The following TMEM178B variants were observed in gnomAD, a reference collection of about 807,000 sequenced individuals.
TMEM178B encodes transmembrane protein 178B.
TMEM178B carries 5 observed loss-of-function variants against 31.0 expected under a neutral mutation model. That is an observed-to-expected ratio of 0.16 (90% CI 0.08 to 0.34). TMEM178B has a LOEUF of 0.34. TMEM178B is among the 10% of genes least tolerant of loss of function. TMEM178B has a pLI of 1.00. For missense variants in TMEM178B, 275 were observed against 400.3 expected (o/e 0.69, Z 2.67); for synonymous variants, 164 against 164.0 (o/e 1.00, Z 0.00).
rs1186334974 is a variant in TMEM178B at position 141,223,037 on chromosome 7, T to G, written c.496+10333T>G. Among the ~76,000 whole-genome samples the G allele has an allele frequency of 2.0e-5, 3 of 152,160 alleles. No individual in the cohort carries two copies. In the East Asian group the frequency reaches 5.8e-4, roughly 29 times the overall value. On this transcript the variant is annotated intron_variant, in intron 2 of 3. Transcript: ENST00000565468. ...CAGAGCTTTGAAGATAAATACAATG[T>G]GAGTACAACGTATTGAAATTGTTGA...
chr7:141,315,284 T>C (rs1329482378), intron 2 of TMEM178B, among the ~76,000 whole-genome samples: 2 of 152,192 alleles, frequency 1.3e-5, no homozygotes, highest in Non-Finnish European at 2.9e-5. Flanking sequence ...AGGTCCTCTG[T>C]GCAAACTCTT....
the TMEM178B span, among the ~76,000 whole-genome samples, chr7:141,497,359 T>C: frequency 6.6e-6 from 1 of 152,150 alleles, no homozygotes; most frequent in Non-Finnish European, 1.5e-5. Flanking sequence ...GTTGAAGCAA[T>C]CAGACAATGG....
chr7:141,483,610 T>C (rs1224154573), downstream of TMEM178B, among the ~76,000 whole-genome samples: 2 of 152,158 alleles, frequency 1.3e-5, no homozygotes, highest in Non-Finnish European at 2.9e-5. Context: ...CTTTAGAAAA[T>C]GGAAGAGTTA....
intron 2 of TMEM178B, among the ~76,000 whole-genome samples, chr7:141,387,897 C>T (rs1800462556): frequency 6.6e-6 from 1 of 152,144 alleles, no homozygotes; most frequent in African/African-American, 2.4e-5. Flanking sequence ...TCCTGTCGGC[C>T]ACTCCCCCTT....
chr7:141,293,892 G>A (rs217024), intron 2 of TMEM178B, among the ~76,000 whole-genome samples: 29 of 152,058 alleles, frequency 1.9e-4, no homozygotes, highest in East Asian at 9.6e-4. Flanking sequence ...CATCAAAAAC[G>A]TAGGAAACCC....
At chr7:141,288,973 C>A (rs113509864) in intron 2 of TMEM178B, among the ~76,000 whole-genome samples, 5 of 152,290 alleles carry the variant, frequency 3.3e-5, no homozygotes, top group African/African-American at 1.2e-4. Flanking sequence ...TCATTTCTTT[C>A]CCAATTAGGC....
At chr7:141,105,205 T>C (rs1795122494) in intron 1 of TMEM178B, among the ~76,000 whole-genome samples, 1 of 152,140 alleles carries the variant, frequency 6.6e-6, no homozygotes, top group African/African-American at 2.4e-5. Flanking sequence ...CACCCCAAGA[T>C]TTTATTTAAA....
chr7:141,119,378 A>G (rs1413916986), intron 1 of TMEM178B, among the ~76,000 whole-genome samples: 1 of 152,104 alleles, frequency 6.6e-6, no homozygotes, highest in Non-Finnish European at 1.5e-5. Flanking sequence ...TGCAAGTGGA[A>G]GATGTAGAGG....
the TMEM178B span, among the ~76,000 whole-genome samples, chr7:141,496,010 AT>A: frequency 1.3e-5 from 2 of 152,182 alleles, no homozygotes; most frequent in Non-Finnish European, 2.9e-5. Flanking sequence ...ATCTTTTGCA[AT>A]TCTGGTGGCA....
intron 2 of TMEM178B, among the ~76,000 whole-genome samples, chr7:141,226,874 A>G (rs964670968): frequency 2.4e-5 from 1 of 42,352 alleles, no homozygotes; most frequent in African/African-American, 9.6e-5. Context: ...AAAAAAAAAA[A>G]GAAAAAGAAA....
intron 2 of TMEM178B, among the ~76,000 whole-genome samples, chr7:141,417,115 A>G (rs1801113597): frequency 6.6e-6 from 1 of 152,214 alleles, no homozygotes; most frequent in Middle Eastern, 3.2e-3. Flanking sequence ...GTAAGTGCTG[A>G]GTAAATGTCA....
chr7:141,498,460 G>A, the TMEM178B span, among the ~76,000 whole-genome samples: 5 of 152,220 alleles, frequency 3.3e-5, no homozygotes, highest in Admixed American at 6.5e-5. Flanking sequence ...GTGACAACTA[G>A]CTTGGCCTCT....
At chr7:141,299,558 A>G (rs1586878838) in intron 2 of TMEM178B, among the ~76,000 whole-genome samples, 3 of 151,934 alleles carry the variant, frequency 2.0e-5, no homozygotes, top group Non-Finnish European at 4.4e-5. Flanking sequence ...CTTCCTACTT[A>G]GCTTCCTAGG....
chr7:141,106,660 G>A (rs1429690575), intron 1 of TMEM178B, among the ~76,000 whole-genome samples: 1 of 152,210 alleles, frequency 6.6e-6, no homozygotes, highest in Non-Finnish European at 1.5e-5. Flanking sequence ...TTGTGTAAAT[G>A]TGCTAATAAA....
chr7:141,290,545 AC>A (rs1341341664), intron 2 of TMEM178B, among the ~76,000 whole-genome samples: 1 of 150,016 alleles, frequency 6.7e-6, no homozygotes, highest in Non-Finnish European at 1.5e-5. Flanking sequence ...GTGCACACAC[AC>A]ATACACGTGC....
rs1406295609 is a variant in TMEM178B, at chr7:141,470,539, C to G, written c.638C>G (p.Thr213Ser). 6.6e-7 allele frequency: 1 copy of G among 1,515,520 alleles called. No homozygotes were observed. Among genetic ancestry groups the G allele is most frequent in the East Asian group, 2.6e-5 (1 of 39,112 alleles). 93.9% of individuals were successfully genotyped at this position (1,515,520 alleles called of 1,614,324 possible). A position where few individuals can be genotyped will look rare whatever the true frequency, so the allele number is the denominator to read the frequency against. ...TGTCTTTTCCCTTGTCCTCCAGGAACCTTCTGCATCATTTCACTGTGCACC... is the reference window on the plus strand; with the variant it reads ...TGTCTTTTCCCTTGTCCTCCAGGAAGCTTCTGCATCATTTCACTGTGCACC... Reference protein sequence around the residue: ...VAGLLFLMGGTFCIISLCTCV... With the variant: ...VAGLLFLMGGSFCIISLCTCV... The change falls in exon 4 of 4, where the codon ACC (threonine) becomes AGC (serine). Residue 213 changes from threonine to serine, a missense_variant. Thr to Ser is a moderately conservative substitution (Grantham distance 58, BLOSUM62 1). Coordinates refer to ENST00000565468, the MANE Select transcript of TMEM178B (RefSeq NM_001195278.2).
At chr7:141,089,845 C>T (rs1404335187) in intron 1 of TMEM178B, among the ~76,000 whole-genome samples, 1 of 151,856 alleles carries the variant, frequency 6.6e-6, no homozygotes, top group East Asian at 1.9e-4. Context: ...GAACATCACA[C>T]ACCAGGGCCT....
At chr7:141,384,433 C>T (rs1206828473) in intron 2 of TMEM178B, among the ~76,000 whole-genome samples, 1 of 152,140 alleles carries the variant, frequency 6.6e-6, no homozygotes, top group African/African-American at 2.4e-5. Flanking sequence ...AGCTTTCTAC[C>T]TATGGCTAGC....
intron 3 of TMEM178B, among the ~76,000 whole-genome samples, chr7:141,462,300 G>A (rs183758682): frequency 9.9e-5 from 15 of 152,270 alleles, no homozygotes; most frequent in African/African-American, 1.4e-4. Context: ...AGGAACTTAC[G>A]GAAATTTGGG....
Sources: allele counts gnomAD v4.1 joint callset (sites outside exome capture counted in the v4.1 genomes callset), GRCh38; gene constraint gnomAD v4.1.1; transcripts MANE v1.5; gene names NCBI Gene and HGNC (gene_info 2026-07-23, HGNC 2026-07-21).